PIEZO1: variants seen among roughly 807,000 people sequenced by gnomAD.
PIEZO1 encodes piezo type mechanosensitive ion channel component 1 (Er blood group).
In PIEZO1, 296 loss-of-function variants were observed where a neutral mutation model predicts 297.2. The ratio of observed to expected loss-of-function variants is 1.00; its 90% CI spans 0.91 to 1.10. The LOEUF is 1.10. Among genes scored for constraint, PIEZO1 ranks in the 50% least tolerant of loss-of-function variants. The pLI is 0.00. For missense variants in PIEZO1, 5,018 were observed against 3,455.5 expected, an observed-to-expected ratio of 1.45 and a Z score of -11.34; for synonymous variants, 2,427 against 1,507.5, an observed-to-expected ratio of 1.61 and a Z score of -14.13.
In PIEZO1 at chr16:88,733,762, G is replaced by A. The variant is rs1241046749; in HGVS notation, c.2330-17C>T. 4.6e-6 allele frequency: 7 copies of A among 1,529,266 alleles called. No individual in the cohort carries two copies. The highest frequency in any genetic ancestry group is 2.8e-5 in the African/African-American group (2 of 72,690). 94.7% of individuals were successfully genotyped at this position (1,529,266 alleles called of 1,614,324 possible). On this transcript the variant is annotated splice_polypyrimidine_tract_variant and intron_variant, in intron 17 of 50. Transcript: ENST00000301015. ...TGGCTGCCCCTGTGATGGTGTGAGG[G>A]TCAGTGCGGGGCACAAACGGGGATT...
intron 1 of PIEZO1, among the ~76,000 whole-genome samples, chr16:88,780,426 G>C (rs1248908759): frequency 6.6e-6 from 1 of 152,150 alleles, no homozygotes; most frequent in East Asian, 1.9e-4. Flanking sequence ...CAGTCACCCA[G>C]GAGACTCAGG....
chr16:88,781,081 T>C (rs929205344), intron 1 of PIEZO1, among the ~76,000 whole-genome samples: 8 of 152,226 alleles, frequency 5.3e-5, no homozygotes, highest in Admixed American at 2.0e-4. Context: ...TCCTGCAAGA[T>C]GCGGCTCTCA....
rs1021238032 is a variant in PIEZO1, at chr16:88,725,455, G to C, written c.4123C>G (p.Gln1375Glu). Residue 1375 changes from glutamine to glutamate, a missense_variant, in exon 29 of 51, where the codon CAG becomes GAG. Gln to Glu is a conservative substitution (Grantham distance 29). Transcript: ENST00000301015. ...GGGTCCTTGGGGCCCAGGGTGTCCT[G>C]GGGGCGACTGCGGTCCACCCGGCCC... Reference protein sequence around the residue: ...RQGRVDRSRPQDTLGPKDPGL... With the variant: ...RQGRVDRSRPEDTLGPKDPGL... The C allele has an allele frequency of 2.0e-6, 3 of 1,498,544 alleles. No homozygotes were observed. The highest frequency in any genetic ancestry group is 4.4e-5 in the Admixed American group (2 of 45,656). 92.8% of individuals were successfully genotyped at this position (1,498,544 alleles called of 1,614,324 possible).
rs1567657057 is a variant in PIEZO1, at chr16:88,716,814, G to T, written c.6745C>A (p.Pro2249Thr). 4 of 1,550,054 alleles carry T rather than the reference G, an allele frequency of 2.6e-6. 1 individual carries two copies. The South Asian group carries it at 3.6e-5, about 14-fold the overall frequency. ...AYEELSRQFD[P>T]QPLAMQFISQ... ...GGGCAGAGGCCACTTACCGGCTGGGGGTCAAACTGCCGGGACAGCTCCTCA... is the reference window on the plus strand; with the variant it reads ...GGGCAGAGGCCACTTACCGGCTGGGTGTCAAACTGCCGGGACAGCTCCTCA... The change falls in exon 46 of 51, where the codon CCC becomes ACC. Residue 2249 changes from proline to threonine, a missense_variant. Physicochemically the swap from Pro to Thr is conservative, Grantham distance 38. Transcript: ENST00000301015.
intron 5 of PIEZO1, chr16:88,740,680 C>G (rs1283105274): frequency 6.6e-6 from 1 of 152,294 alleles, no homozygotes; most frequent in Admixed American, 6.5e-5. Context: ...AACCCCTTTC[C>G]CTCTCGGGAC....
intron 1 of PIEZO1, among the ~76,000 whole-genome samples, chr16:88,768,420 T>C (rs1597484617): frequency 1.3e-5 from 2 of 152,210 alleles, no homozygotes; most frequent in Admixed American, 1.3e-4. Context: ...TGGACGGCCC[T>C]GGCTAAAACC....
chr16:88,771,363 T>C (rs1469602082), intron 1 of PIEZO1, among the ~76,000 whole-genome samples: 4 of 152,124 alleles, frequency 2.6e-5, no homozygotes, highest in Non-Finnish European at 4.4e-5. Context: ...CTCATCTGAC[T>C]ACATACAGCT....
intron 1 of PIEZO1, among the ~76,000 whole-genome samples, chr16:88,782,276 A>G (rs568280216): frequency 1.3e-5 from 2 of 152,144 alleles, no homozygotes; most frequent in Admixed American, 1.3e-4. Flanking sequence ...ATGCCCAGCT[A>G]ATTTTTAAAT....
chr16:88,722,791 G>C, intron 34 of PIEZO1, 46 bp downstream of exon 34: 3 of 1,533,336 alleles, frequency 2.0e-6, no homozygotes, highest in Non-Finnish European at 2.6e-6. Flanking sequence ...AGGCAGGGGC[G>C]TAGTCAGGCA....
At chr16:88,725,959 C>G (rs1904394295) in intron 27 of PIEZO1, 3 of 567,520 alleles carry the variant, frequency 5.3e-6, no homozygotes, top group African/African-American at 3.8e-5. Flanking sequence ...AAGCCAGAAC[C>G]CCTCCCTGGG....
At chr16:88,748,424 C>T (rs1204209064) in intron 2 of PIEZO1, among the ~76,000 whole-genome samples, 5 of 152,118 alleles carry the variant, frequency 3.3e-5, no homozygotes, top group East Asian at 3.9e-4. Flanking sequence ...TTGGAGGATA[C>T]GGGAGAGCAA....
chr16:88,739,850 G>A (rs1405572422), intron 5 of PIEZO1: 2 of 43,402 alleles, frequency 4.6e-5, no homozygotes, highest in African/African-American at 1.2e-4. Context: ...CCCACAGCCT[G>A]GCCCTGGCCC....
chr16:88,732,527 C>A lies in PIEZO1; in HGVS notation c.2799G>T (p.Leu933=). ...FPNLGYIQNH[L]QVLLLLVFEA... is the part of the protein sequence containing the mutation. ...CGAATACCAGCAGCAGCAGCACTTG[C>A]AGGTGGTTCTGCGGAGGGCAAGGGT... The change falls in exon 21 of 51, where the codon CTG becomes CTT. Residue 933 remains leucine (L), a synonymous_variant. Coordinates refer to ENST00000301015, the MANE Select transcript of PIEZO1 (RefSeq NM_001142864.4). The A allele has an allele frequency of 6.5e-7, 1 of 1,546,728 alleles. No homozygotes were observed. Among genetic ancestry groups the A allele is most frequent in the Non-Finnish European group, 8.7e-7 (1 of 1,144,112 alleles).
intron 22 of PIEZO1, among the ~76,000 whole-genome samples, chr16:88,728,036 A>C (rs141709435): frequency 3.5e-4 from 54 of 152,370 alleles, no homozygotes; most frequent in African/African-American, 1.3e-3. Flanking sequence ...GAAAAGTTCA[A>C]CCTGCAGCAA....
At chr16:88,757,271 C>T (rs944448358) in intron 1 of PIEZO1, among the ~76,000 whole-genome samples, 3 of 138,284 alleles carry the variant, frequency 2.2e-5, no homozygotes, top group South Asian at 2.3e-4. Flanking sequence ...GAGCTGGCAG[C>T]GCAGCAGCAC....
chr16:88,745,984 AC>A (rs1364733326), intron 2 of PIEZO1, among the ~76,000 whole-genome samples: 2 of 152,220 alleles, frequency 1.3e-5, no homozygotes, highest in Admixed American at 6.5e-5. Flanking sequence ...CACCTGCCGG[AC>A]AAGGGCTGGG....
intron 19 of PIEZO1, chr16:88,733,055 C>T (rs919606313): frequency 1.7e-6 from 1 of 590,462 alleles, no homozygotes; most frequent in African/African-American, 1.9e-5. Flanking sequence ...GACCCTGGGA[C>T]TCCGCCCCTA....
Position 88,727,498 on chromosome 16 carries a change from G to A in PIEZO1, c.3301+59C>T, listed in dbSNP as rs546455788. 22 of 694,118 alleles carry A rather than the reference G, an allele frequency of 3.2e-5. No individual in the cohort carries two copies. In the South Asian group the frequency reaches 3.7e-4, roughly 12 times the overall value. The allele number at this position is 694,118 out of a possible 1,614,324, so 43.0% of individuals were successfully genotyped here. On this transcript the variant is annotated intron_variant, in intron 23 of 50. Transcript: ENST00000301015. The stretch of plus-strand genomic sequence containing the variant: ...GTGTGCACACTTGTGAGCAGATTTG[G>A]GGGCGTGAATGTACTCTGAGGGTCC...
In PIEZO1 at chr16:88,736,167, C is replaced by G. The variant is rs1567674168; in HGVS notation, c.1538G>C (p.Cys513Ser). The G allele has an allele frequency of 6.5e-7, 1 of 1,547,550 alleles. No homozygotes were observed. Among genetic ancestry groups the G allele is most frequent in the South Asian group, 1.2e-5 (1 of 83,926 alleles). ...ACTCACCATGGCACCAAGGTCCAGACAGGGGTAGCGGGTGTGCTCCAGCCC... is the reference window on the plus strand; with the variant it reads ...ACTCACCATGGCACCAAGGTCCAGAGAGGGGTAGCGGGTGTGCTCCAGCCC... ...QLGLEHTRYP[C>S]LDLGAMLLYT... The change falls in exon 12 of 51, where the codon TGT (cysteine) becomes TCT (serine). Residue 513 changes from cysteine to serine, a missense_variant. Cys to Ser is a moderately radical substitution (Grantham distance 112). Coordinates refer to ENST00000301015, the MANE Select transcript of PIEZO1 (RefSeq NM_001142864.4).
Sources: gnomAD v4.1 joint callset for allele counts (sites outside exome capture counted in the v4.1 genomes callset) on GRCh38, gnomAD v4.1.1 for gene constraint, MANE v1.5 for transcripts, NCBI Gene and HGNC (gene_info 2026-07-23, HGNC 2026-07-21) for gene names.